The following MMRN1 variants were observed in gnomAD, a reference collection of about 807,000 sequenced individuals.
The protein encoded by MMRN1 is multimerin-1.
In MMRN1, 94 loss-of-function variants were observed where a neutral mutation model predicts 100.7. That is an observed-to-expected ratio of 0.93 (90% CI 0.79 to 1.11). The LOEUF is 1.11. MMRN1 is among the 50% of genes least tolerant of loss of function. The pLI is 0.00. For synonymous variants in MMRN1, 575 were observed against 505.0 expected (o/e 1.14, Z -1.86); for missense variants, 1,606 against 1,439.1 (o/e 1.12, Z -1.88).
chr4:89,898,888 A>T (rs1262186827), intron 1 of MMRN1, among the ~76,000 whole-genome samples: 1 of 152,122 alleles, frequency 6.6e-6, no homozygotes, highest in African/African-American at 2.4e-5. Flanking sequence ...AATTTGTAGT[A>T]TCTTTGCATA....
intron 1 of MMRN1, among the ~76,000 whole-genome samples, chr4:89,881,074 T>C (rs1720804695): frequency 6.6e-6 from 1 of 152,136 alleles, no homozygotes; most frequent in Non-Finnish European, 1.5e-5. Context: ...TTAATGCAAA[T>C]CTGCAGAATT....
chr4:89,939,954 G>A (rs79050636), intron 6 of MMRN1, among the ~76,000 whole-genome samples: 4,445 of 152,140 alleles, frequency 0.029, 202 homozygotes, highest in African/African-American at 0.099. Context: ...TTTGACTGAC[G>A]AAGAAGAGGG....
At chr4:89,938,136 G>A (rs544174994) in intron 6 of MMRN1, among the ~76,000 whole-genome samples, 4 of 151,892 alleles carry the variant, frequency 2.6e-5, no homozygotes, top group African/African-American at 7.2e-5. Flanking sequence ...ATGTATGAAT[G>A]TTTTGATAAT....
intron 5 of MMRN1, among the ~76,000 whole-genome samples, chr4:89,933,084 T>C (rs1722493251): frequency 6.6e-6 from 1 of 152,226 alleles, no homozygotes; most frequent in Non-Finnish European, 1.5e-5. Context: ...AGTGATATCT[T>C]GAACTCTCTG....
Position 89,944,601 on chromosome 4 carries a change from G to A in MMRN1, c.3119-7004G>A, listed in dbSNP as rs1424174493. On this transcript the variant is annotated intron_variant, in intron 6 of 7. Coordinates refer to ENST00000264790, the MANE Select transcript of MMRN1 (RefSeq NM_007351.3). ...AGATTTCACAGCTATATGGATGAGG[G>A]TTGTTTAGAGGCAGGCAAAGCGATG... is the stretch of plus-strand genomic sequence containing the variant. 3.9e-5 allele frequency among the ~76,000 whole-genome samples: 6 copies of A among 152,242 alleles called. No homozygotes were observed. The South Asian group carries it at 1.2e-3, about 32-fold the overall frequency.
At position 89,936,794 on chromosome 4, in the gene MMRN1, T is replaced by A. The variant is rs781642555; in HGVS notation, c.3114T>A (p.Tyr1038Ter). Residue 1038 changes from tyrosine to a stop codon, truncating the protein, a stop_gained, in exon 6 of 8, where the codon TAT becomes TAA. Coordinates refer to ENST00000264790, the MANE Select transcript of MMRN1 (RefSeq NM_007351.3). LOFTEE classifies it high-confidence loss of function. Reference protein sequence around the residue: ...RTQRNTDNIIYPEEYSSCSRH... With the variant: ...RTQRNTDNII ...AAAGAAACACGGACAACATAATATA[T>A]CCTGGTAAGCTGTTACTGAAAAGTA... 1 of 1,582,986 alleles carries A rather than the reference T, an allele frequency of 6.3e-7. No homozygotes were observed. The highest frequency in any genetic ancestry group is 8.6e-7 in the Non-Finnish European group (1 of 1,169,518).
chr4:89,942,047 G>A (rs923771216), intron 6 of MMRN1, among the ~76,000 whole-genome samples: 1 of 152,082 alleles, frequency 6.6e-6, no homozygotes, highest in African/African-American at 2.4e-5. Context: ...GGCTATCTAA[G>A]GTGCATAGTC....
At chr4:89,945,199 A>T (rs577281438) in intron 6 of MMRN1, among the ~76,000 whole-genome samples, 1 of 152,272 alleles carries the variant, frequency 6.6e-6, no homozygotes, top group Non-Finnish European at 1.5e-5. Flanking sequence ...TTTTATTCAT[A>T]AGTAGTGTAT....
In MMRN1 at chr4:89,912,377, A is replaced by G. The variant is rs113888251; in HGVS notation, c.850+327A>G. 6.0e-3 allele frequency among the ~76,000 whole-genome samples: 902 copies of G among 151,488 alleles called. 7 individuals are homozygous for G. The highest frequency in any genetic ancestry group is 0.021 in the African/African-American group (861 of 41,474). On this transcript the variant is annotated intron_variant, in intron 3 of 7. Coordinates refer to ENST00000264790, the MANE Select transcript of MMRN1 (RefSeq NM_007351.3). ...CAGGAATGCTAATTTTCAATTTTTA[A>G]ATAAAGTGTTATTAGAAGTGACTCA...
chr4:89,897,726 A>G lies in MMRN1; in HGVS notation c.623+2132A>G, dbSNP rs191612782. Among the ~76,000 whole-genome samples the G allele has an allele frequency of 3.3e-5, 5 of 152,276 alleles. No homozygotes were observed. The East Asian group carries it at 7.7e-4, about 24-fold the overall frequency. On this transcript the variant is annotated intron_variant, in intron 1 of 7. Transcript: ENST00000264790. ...AAATGTTGGGAACAATTTGATGAATATTTATAATTTGCCCATCATGTGCTA... is the reference window on the plus strand; with the variant it reads ...AAATGTTGGGAACAATTTGATGAATGTTTATAATTTGCCCATCATGTGCTA...
chr4:89,949,377 A>G lies in MMRN1; in HGVS notation c.3119-2228A>G, dbSNP rs1723088155. ...GCACAATTGATACATTCCTAGTGAA[A>G]CCCATTAATTGAAACTTCTCCTGTG... is the stretch of plus-strand genomic sequence containing the variant. On this transcript the variant is annotated intron_variant, in intron 6 of 7. Coordinates refer to ENST00000264790, the MANE Select transcript of MMRN1 (RefSeq NM_007351.3). 2.0e-5 allele frequency among the ~76,000 whole-genome samples: 3 copies of G among 152,300 alleles called. No homozygotes were observed. The South Asian group carries it at 6.2e-4, about 32-fold the overall frequency.
chr4:89,921,933 G>A (rs1410566360), intron 3 of MMRN1, among the ~76,000 whole-genome samples: 1 of 152,076 alleles, frequency 6.6e-6, no homozygotes, highest in African/African-American at 2.4e-5. Flanking sequence ...AGTTTCATTG[G>A]TTCATAAACT....
At chr4:89,897,412 G>C (rs1411277514) in intron 1 of MMRN1, among the ~76,000 whole-genome samples, 2 of 152,074 alleles carry the variant, frequency 1.3e-5, no homozygotes, top group Non-Finnish European at 2.9e-5. Context: ...GTTTCACCAT[G>C]TTGGCCAGGG....
intron 1 of MMRN1, among the ~76,000 whole-genome samples, chr4:89,906,579 C>T (rs1045144880): frequency 6.6e-6 from 1 of 151,514 alleles, no homozygotes; most frequent in Non-Finnish European, 1.5e-5. Flanking sequence ...TAGGTTTAAG[C>T]AAAATGCTTG....
chr4:89,905,598 C>G (rs1721542337), intron 1 of MMRN1, among the ~76,000 whole-genome samples: 1 of 151,406 alleles, frequency 6.6e-6, no homozygotes, highest in East Asian at 1.9e-4. Flanking sequence ...ACCTGATAAT[C>G]TTATTTCTTC....
At chr4:89,937,287 C>A (rs1444666966) in intron 6 of MMRN1, among the ~76,000 whole-genome samples, 1 of 151,912 alleles carries the variant, frequency 6.6e-6, no homozygotes, top group Non-Finnish European at 1.5e-5. Context: ...AGTACTTAGA[C>A]ATGATTTTGT....
At chr4:89,923,294 C>A (rs1206960861) in intron 4 of MMRN1, 22 bp downstream of exon 4, 4 of 1,575,128 alleles carry the variant, frequency 2.5e-6, no homozygotes, top group Admixed American at 1.7e-5. Flanking sequence ...TAATTACTAT[C>A]ATCTCTGACC....
chr4:89,932,771 C>T (rs898414160), intron 5 of MMRN1, among the ~76,000 whole-genome samples: 4 of 152,146 alleles, frequency 2.6e-5, no homozygotes, highest in Non-Finnish European at 5.9e-5. Flanking sequence ...CCCCATGAAA[C>T]TATTTTTTCC....
At chr4:89,907,511 G>A (rs1053309106) in intron 1 of MMRN1, among the ~76,000 whole-genome samples, 1 of 151,356 alleles carries the variant, frequency 6.6e-6, no homozygotes, top group Non-Finnish European at 1.5e-5. Flanking sequence ...TCTTAGATAT[G>A]AGGGTTGATT....
Sources: allele counts gnomAD v4.1 joint callset (sites outside exome capture counted in the v4.1 genomes callset), GRCh38; gene constraint gnomAD v4.1.1; transcripts MANE v1.5; gene names NCBI Gene and HGNC (gene_info 2026-07-23, HGNC 2026-07-21).